The following DNAH17 variants were observed in gnomAD, a reference collection of about 807,000 sequenced individuals.
DNAH17 encodes the protein dynein axonemal heavy chain 17, also known as axonemal beta dynein heavy chain 17.
DNAH17 carries 376 observed loss-of-function variants against 485.6 expected under a neutral mutation model. That is an observed-to-expected ratio of 0.77 (90% CI 0.71 to 0.84). The LOEUF (loss-of-function observed/expected upper bound fraction) is 0.84, where lower values mean the gene tolerates loss of function less well. Among genes scored for constraint, DNAH17 ranks in the 40% least tolerant of loss-of-function variants. DNAH17 has a pLI of 0.00. For missense variants in DNAH17, 6,370 were observed against 5,839.3 expected (o/e 1.09, Z -2.96); for synonymous variants, 3,031 against 2,405.9 (o/e 1.26, Z -7.60).
In DNAH17 at chr17:78,572,872, T is replaced by C. The variant is rs1274705024; in HGVS notation, c.368A>G (p.Gln123Arg). ...GGGCCATCCAGCCATGTTCTCACTT[T>C]GGTTTAACAGAGAAGAGAGGACCTA... The part of the protein sequence containing the change: ...VEEVLSSLLN[Q>R]SENMAGWPQV... The change falls in exon 3 of 81, where the codon CAA becomes CGA. Residue 123 changes from glutamine (Q) to arginine (R), a missense_variant. Coordinates refer to ENST00000389840, the MANE Select transcript of DNAH17 (RefSeq NM_173628.4). The C allele has an allele frequency of 6.2e-7, 1 of 1,613,830 alleles. No homozygotes were observed. The highest frequency in any genetic ancestry group is 8.5e-7 in the Non-Finnish European group (1 of 1,179,822).
At chr17:78,566,330 T>G (rs2092265149) in intron 11 of DNAH17, among the ~76,000 whole-genome samples, 1 of 152,200 alleles carries the variant, frequency 6.6e-6, no homozygotes, top group Non-Finnish European at 1.5e-5. Context: ...GAATCAAGAA[T>G]AAATGGTCCC....
rs749705470 is a variant in DNAH17, at chr17:78,566,917, T to TC, written c.1452+81dup. On this transcript the variant is annotated intron_variant, in intron 10 of 80. Transcript: ENST00000389840. ...TGGCACCTGCTTCCTCCGTGTGCCCTCCCATCACACCCCTAAGCTGGTACC... is the reference window on the plus strand; with the variant it reads ...TGGCACCTGCTTCCTCCGTGTGCCCTCCCCATCACACCCCTAAGCTGGTACC... 160 of 1,492,892 alleles carry TC rather than the reference T, an allele frequency of 1.1e-4. 1 individual carries two copies. The highest frequency in any genetic ancestry group is 5.5e-4 in the Admixed American group (25 of 45,796). The allele number at this position is 1,492,892 out of a possible 1,614,324, so 92.5% of individuals were successfully genotyped here.
Position 78,426,501 on chromosome 17 carries a change from T to A in DNAH17, c.12871A>T (p.Met4291Leu). 6.2e-7 allele frequency: 1 copy of A among 1,613,202 alleles called. No individual in the cohort carries two copies. The highest frequency in any genetic ancestry group is 8.5e-7 in the Non-Finnish European group (1 of 1,179,530). ...TCTGCGTACCAGGCCGCCAGGCCCA[T>A]CATGGAGGGGTAGGCCCGGGCCACC... ...TWVARAYPSMMGLAAWYADLL... is the reference protein window; with the variant it reads ...TWVARAYPSMLGLAAWYADLL... The change falls in exon 79 of 81, where the codon ATG becomes TTG. Residue 4291 changes from methionine to leucine, a missense_variant. By Grantham distance (15) the Met-to-Leu change is conservative. Transcript: ENST00000389840.
At chr17:78,498,536 G>A (rs958312601) in intron 37 of DNAH17, among the ~76,000 whole-genome samples, 2 of 152,144 alleles carry the variant, frequency 1.3e-5, no homozygotes, top group African/African-American at 2.4e-5. Context: ...TCCCCAATCC[G>A]AAGTCCCTGC....
chr17:78,494,863 C>A lies in DNAH17; in HGVS notation c.6043-43G>T, dbSNP rs757927509. On this transcript the variant is annotated intron_variant, in intron 39 of 80. Transcript: ENST00000389840. ...AGGTGGGCAGACGTGAGCTCACCTT[C>A]CTGTGGCCAGCAGGCAGGTCTGGAA... The A allele has an allele frequency of 3.2e-6, 5 of 1,573,798 alleles. No individual in the cohort carries two copies. The South Asian group carries it at 5.9e-5, about 18-fold the overall frequency.
chr17:78,451,147 GGC>G (rs2087533115), intron 66 of DNAH17, among the ~76,000 whole-genome samples: 2 of 152,382 alleles, frequency 1.3e-5, no homozygotes, highest in South Asian at 4.1e-4. Flanking sequence ...CAGGTGCAAG[GGC>G]TGGCAGCCAG....
rs200746829 is a variant in DNAH17, at chr17:78,486,313, C to T, written c.7012G>A (p.Val2338Met). ...LLECLLTEKT[V>M]PPDSPRELYE... ...AGCTCCCTGGGGGAGTCGGGGGGCA[C>T]GGTCTTCTCCGTGAGCAGGCACTCC... The change falls in exon 45 of 81, where the codon GTG becomes ATG. Residue 2338 changes from valine to methionine, a missense_variant. Val to Met is a conservative substitution (Grantham distance 21). Transcript: ENST00000389840. 3.2e-4 allele frequency: 522 copies of T among 1,613,348 alleles called. No individual in the cohort carries two copies. The highest frequency in any genetic ancestry group is 3.7e-4 in the Non-Finnish European group (440 of 1,179,436).
chr17:78,443,742 G>T (rs977124769), intron 71 of DNAH17, among the ~76,000 whole-genome samples: 3 of 152,124 alleles, frequency 2.0e-5, no homozygotes, highest in Non-Finnish European at 2.9e-5. Flanking sequence ...TAGAGATGGG[G>T]TCTCACTATG....
At position 78,509,241 on chromosome 17, in the gene DNAH17, C is replaced by T. The variant is rs1245349044; in HGVS notation, c.4236+1143G>A. 1.3e-5 allele frequency among the ~76,000 whole-genome samples: 2 copies of T among 150,444 alleles called. 1 individual carries two copies. The highest frequency in any genetic ancestry group is 4.2e-4 in the South Asian group (2 of 4,738). Reference sequence around the variant, plus strand: ...TGGCCTCCCCAAAGCGTTGGGATTACAGGCGTGAGCCACCGTGCCCGGTCC... The same window carrying T: ...TGGCCTCCCCAAAGCGTTGGGATTATAGGCGTGAGCCACCGTGCCCGGTCC... On this transcript the variant is annotated intron_variant, in intron 27 of 80. Coordinates refer to ENST00000389840, the MANE Select transcript of DNAH17 (RefSeq NM_173628.4).
In DNAH17 at chr17:78,450,777, G is replaced by C. The variant is rs568734889; in HGVS notation, c.10804C>G (p.Arg3602Gly). The change falls in exon 67 of 81, where the codon CGT (arginine) becomes GGT (glycine). Residue 3602 changes from arginine (R) to glycine (G), a missense_variant. Arg to Gly is a moderately radical substitution (Grantham distance 125, BLOSUM62 -2). Coordinates refer to ENST00000389840, the MANE Select transcript of DNAH17 (RefSeq NM_173628.4). ...LKELEDSLLA[R>G]LSAASGNFLG... ...AAGTTCCCCGACGCAGCCGACAGACGGGCCAGGAGCGAATCTTCCAGCTCT... is the reference window on the plus strand; with the variant it reads ...AAGTTCCCCGACGCAGCCGACAGACCGGCCAGGAGCGAATCTTCCAGCTCT... 6 of 1,613,896 alleles carry C rather than the reference G, an allele frequency of 3.7e-6. No homozygotes were observed. The highest frequency in any genetic ancestry group is 1.3e-5 in the African/African-American group (1 of 74,938).
intron 75 of DNAH17, among the ~76,000 whole-genome samples, 151 bp from the exon 76 acceptor site, chr17:78,429,451 T>TCAGGGTCACCAGGCCC (rs1465488274): frequency 6.6e-6 from 1 of 152,166 alleles, no homozygotes; most frequent in Non-Finnish European, 1.5e-5. Context: ...CCATTTACCT[T>TCAGGGTCACCAGGCCC]CAGGGTCACC....
intron 77 of DNAH17, among the ~76,000 whole-genome samples, chr17:78,427,504 C>G (rs1476556535): frequency 6.6e-6 from 1 of 152,216 alleles, no homozygotes; most frequent in African/African-American, 2.4e-5. Context: ...AGGAGTGGCC[C>G]ACACAGTGCA....
At chr17:78,475,533 C>G (rs1049001298) in intron 53 of DNAH17, 64 bp from the exon 54 acceptor site, 1 of 1,607,606 alleles carries the variant, frequency 6.2e-7, no homozygotes, top group African/African-American at 1.3e-5. Context: ...GTCACCAGCA[C>G]GGACTCTGCA....
intron 62 of DNAH17, among the ~76,000 whole-genome samples, chr17:78,457,651 G>A (rs911561557): frequency 7.3e-6 from 1 of 137,254 alleles, no homozygotes; most frequent in African/African-American, 2.7e-5. Context: ...GCACAGCCGT[G>A]CCTGGCTTTT....
At chr17:78,550,451 A>T (rs2091877686) in intron 16 of DNAH17, among the ~76,000 whole-genome samples, 1 of 9,842 alleles carries the variant, frequency 1.0e-4, no homozygotes, top group South Asian at 2.4e-3. Flanking sequence ...GCATTTGGAG[A>T]TGAGAGCTTT....
At position 78,428,696 on chromosome 17, in the gene DNAH17, T is replaced by C. The variant is rs1156497390; in HGVS notation, c.12417A>G (p.Glu4139=). The change falls in exon 77 of 81, where the codon GAA becomes GAG. Residue 4139 remains glutamate (E), a synonymous_variant. Coordinates refer to ENST00000389840, the MANE Select transcript of DNAH17 (RefSeq NM_173628.4). ...CAGGGGGCAGGTTCTCATCGATGTA[T>C]TCGTGGTAACCCTGAAAAAGAGGGC... ...PPNLDYKGYH[E]YIDENLPPES... is the part of the protein sequence containing the mutation. The C allele has an allele frequency of 7.4e-6, 12 of 1,613,716 alleles. No homozygotes were observed. The highest frequency in any genetic ancestry group is 9.3e-6 in the Non-Finnish European group (11 of 1,179,772).
intron 54 of DNAH17, among the ~76,000 whole-genome samples, chr17:78,474,463 T>C (rs1444903372): frequency 1.3e-5 from 2 of 152,258 alleles, no homozygotes; most frequent in Non-Finnish European, 2.9e-5. Flanking sequence ...TTTAGTCTAA[T>C]GTTTATTTCA....
intron 30 of DNAH17, 125 bp downstream of exon 30, chr17:78,506,595 T>C: frequency 2.8e-6 from 4 of 1,411,170 alleles, no homozygotes; most frequent in Non-Finnish European, 2.9e-6. Context: ...GCAGAGGGCC[T>C]CCTGGAGATG....
At chr17:78,450,501 G>A (rs1404585142) in intron 67 of DNAH17, 107 bp from the exon 68 acceptor site, 6 of 1,495,340 alleles carry the variant, frequency 4.0e-6, no homozygotes, top group South Asian at 3.7e-5. Context: ...GCCACCCAAG[G>A]GCTCTCAGCA....
Sources: gnomAD v4.1 joint callset for allele counts (sites outside exome capture counted in the v4.1 genomes callset) on GRCh38, gnomAD v4.1.1 for gene constraint, MANE v1.5 for transcripts, NCBI Gene and HGNC (gene_info 2026-07-23, HGNC 2026-07-21) for gene names.